The following GLIS3 variants were observed in gnomAD, a reference collection of about 807,000 sequenced individuals.
GLIS3 encodes GLIS family zinc finger 3, also known as zinc finger protein GLIS3.
A neutral mutation model predicts 78.6 loss-of-function variants in GLIS3; 53 were observed. The observed-to-expected ratio is 0.67, with a 90% confidence interval of 0.54 to 0.85. The LOEUF (loss-of-function observed/expected upper bound fraction) is 0.85. GLIS3 is among the 40% of genes least tolerant of loss of function. GLIS3 has a pLI of 0.00. For missense variants in GLIS3, 1,703 were observed against 1,231.1 expected, an observed-to-expected ratio of 1.38 and a Z score of -5.74; for synonymous variants, 684 against 509.9, an observed-to-expected ratio of 1.34 and a Z score of -4.60.
Position 3,824,746 on chromosome 9 carries a change from AACTATGT to A in GLIS3, c.*3519_*3525del, listed in dbSNP as rs1487118969. ...TTCATTTCTCTACGTGAGTGTATAT[AACTATGT>A]ACAAGAGTCTGTGTGATTTATGGAA... On this transcript the variant is annotated 3_prime_UTR_variant, in exon 11 of 11. Coordinates refer to ENST00000381971, the MANE Select transcript of GLIS3 (RefSeq NM_001042413.2). 2.6e-5 allele frequency: 4 copies of A among 152,616 alleles called. No individual in the cohort carries two copies. The East Asian group carries it at 7.7e-4, about 29-fold the overall frequency. The allele number at this position is 152,616 out of a possible 1,614,324, so 9.5% of individuals were successfully genotyped here. A position where few individuals can be genotyped will look rare whatever the true frequency, so the allele number is the denominator to read the frequency against.
chr9:4,466,697 G>C, the GLIS3 span, among the ~76,000 whole-genome samples: 1 of 152,210 alleles, frequency 6.6e-6, no homozygotes, highest in Non-Finnish European at 1.5e-5. Context: ...AACAGCTCCA[G>C]AATACAGCTC....
At chr9:3,842,919 C>A (rs1196827189) in intron 9 of GLIS3, among the ~76,000 whole-genome samples, 2 of 152,184 alleles carry the variant, frequency 1.3e-5, no homozygotes, top group Non-Finnish European at 2.9e-5. Context: ...GCTCCCAGCC[C>A]TTTCTGCTGG....
chr9:4,155,812 G>T (rs1018114832), intron 2 of GLIS3, among the ~76,000 whole-genome samples: 1 of 152,120 alleles, frequency 6.6e-6, no homozygotes, highest in Non-Finnish European at 1.5e-5. Flanking sequence ...GGTGGGACCT[G>T]AGATTTTGCA....
chr9:3,940,968 A>T (rs542915455), intron 4 of GLIS3, among the ~76,000 whole-genome samples: 1 of 152,290 alleles, frequency 6.6e-6, no homozygotes, highest in Non-Finnish European at 1.5e-5. Flanking sequence ...TCCCTAGACG[A>T]GCAACGCTGG....
chr9:3,976,164 T>C (rs898592390), intron 4 of GLIS3, among the ~76,000 whole-genome samples: 1 of 152,164 alleles, frequency 6.6e-6, no homozygotes, highest in Non-Finnish European at 1.5e-5. Context: ...CCCCATATGT[T>C]TTGTACTATT....
chr9:3,889,629 A>G (rs1588157812), intron 7 of GLIS3, among the ~76,000 whole-genome samples: 1 of 152,192 alleles, frequency 6.6e-6, no homozygotes, highest in African/African-American at 2.4e-5. Flanking sequence ...TCACTCAGTC[A>G]TTTTGATGAA....
chr9:3,890,227 G>C (rs1045278723), intron 7 of GLIS3, among the ~76,000 whole-genome samples: 6 of 152,130 alleles, frequency 3.9e-5, no homozygotes, highest in Non-Finnish European at 7.4e-5. Flanking sequence ...ATGGCACTCT[G>C]TACAACCAGT....
the GLIS3 span, among the ~76,000 whole-genome samples, chr9:4,455,487 T>C: frequency 2.0e-5 from 3 of 152,170 alleles, no homozygotes; most frequent in African/African-American, 7.2e-5. Context: ...CATAGGATCT[T>C]AGGTTCTAGT....
At chr9:4,317,295 T>C (rs1817450579) in intron 2 of GLIS3, among the ~76,000 whole-genome samples, 1 of 152,222 alleles carries the variant, frequency 6.6e-6, no homozygotes, top group Non-Finnish European at 1.5e-5. Flanking sequence ...TCCTTACCCA[T>C]GCACTGGCTT....
intron 4 of GLIS3, among the ~76,000 whole-genome samples, chr9:4,022,762 G>C (rs1177682979): frequency 6.6e-6 from 1 of 152,190 alleles, no homozygotes; most frequent in Non-Finnish European, 1.5e-5. Flanking sequence ...ACTGATACAT[G>C]CAACAACATG....
At chr9:4,294,292 T>A (rs1031685211) in intron 1 of GLIS3, among the ~76,000 whole-genome samples, 1 of 152,196 alleles carries the variant, frequency 6.6e-6, no homozygotes, top group Non-Finnish European at 1.5e-5. Flanking sequence ...GTGGATCACC[T>A]GAGGTCAGGA....
At chr9:4,350,579 T>C (rs1477459091), upstream of GLIS3, among the ~76,000 whole-genome samples, 3 of 152,228 alleles carry the variant, frequency 2.0e-5, no homozygotes, top group African/African-American at 7.2e-5. Context: ...ACTGCTTTAT[T>C]ATCTCTATTT....
At chr9:4,146,287 G>A (rs753954342) in intron 2 of GLIS3, among the ~76,000 whole-genome samples, 27 of 152,220 alleles carry the variant, frequency 1.8e-4, no homozygotes, top group Admixed American at 4.6e-4. Context: ...ATTTGAAACC[G>A]TTGAATATCT....
chr9:3,935,523 G>A (rs1283899467), intron 5 of GLIS3, among the ~76,000 whole-genome samples: 1 of 152,006 alleles, frequency 6.6e-6, no homozygotes, highest in Middle Eastern at 3.2e-3. Flanking sequence ...AGGGCAGTGC[G>A]AAACCATAAC....
chr9:4,227,028 C>G (rs1230815612), intron 2 of GLIS3, among the ~76,000 whole-genome samples: 1 of 152,160 alleles, frequency 6.6e-6, no homozygotes, highest in African/African-American at 2.4e-5. Context: ...AACAAGAGTT[C>G]TTGCATGCAA....
intron 2 of GLIS3, among the ~76,000 whole-genome samples, chr9:4,149,452 T>C (rs187038511): frequency 2.0e-5 from 3 of 152,318 alleles, no homozygotes; most frequent in East Asian, 1.9e-4. Context: ...CAAATACTCC[T>C]AGATGGAGAG....
intron 2 of GLIS3, among the ~76,000 whole-genome samples, chr9:4,240,184 T>C (rs1342145774): frequency 4.3e-5 from 1 of 23,490 alleles, no homozygotes; most frequent in African/African-American, 1.5e-4. Context: ...TTTCCACAGA[T>C]GTGGGGGAGG....
intron 2 of GLIS3, among the ~76,000 whole-genome samples, chr9:4,145,587 C>T (rs13299289): frequency 0.23 from 35,383 of 151,978 alleles, 4,307 homozygotes; most frequent in Admixed American, 0.27. Flanking sequence ...CCCATAATGC[C>T]TAAGAGGCAT....
intron 5 of GLIS3, 107 bp downstream of exon 5, chr9:3,936,921 T>C: frequency 4.7e-6 from 7 of 1,482,564 alleles, no homozygotes; most frequent in Non-Finnish European, 6.6e-6. Flanking sequence ...GCATTGTCCC[T>C]GTAACCTGCA....
Sources: allele counts gnomAD v4.1 joint callset (sites outside exome capture counted in the v4.1 genomes callset), GRCh38; gene constraint gnomAD v4.1.1; transcripts MANE v1.5; gene names NCBI Gene and HGNC (gene_info 2026-07-23, HGNC 2026-07-21).